Variants in R3HDM2 observed in about 807,000 individuals in gnomAD.
The protein encoded by R3HDM2 is R3H domain-containing protein 2.
R3HDM2 carries 38 observed loss-of-function variants against 124.5 expected under a neutral mutation model. The ratio of observed to expected loss-of-function variants is 0.31; its 90% confidence interval spans 0.24 to 0.40. The LOEUF is 0.40. Ranked by LOEUF, R3HDM2 falls within the 10% of genes least tolerant of loss-of-function variation. The pLI is 1.00. For missense variants in R3HDM2, 869 were observed against 1,236.9 expected, an observed-to-expected ratio of 0.70 and a Z score of 4.46; for synonymous variants, 391 against 448.0, an observed-to-expected ratio of 0.87 and a Z score of 1.61.
At chr12:57,280,254 A>G in intron 14 of R3HDM2, 104 bp downstream of exon 14, 1 of 1,252,520 alleles carries the variant, frequency 8.0e-7, no homozygotes. Flanking sequence ...CATGTCTCCA[A>G]AAACTGATCC....
intron 14 of R3HDM2, among the ~76,000 whole-genome samples, chr12:57,278,632 C>T (rs1350822678): frequency 1.3e-5 from 2 of 152,150 alleles, no homozygotes; most frequent in East Asian, 3.8e-4. Context: ...GAAAAGTACA[C>T]ATACAAGGAC....
At chr12:57,368,056 G>A (rs184617536) in intron 2 of R3HDM2, among the ~76,000 whole-genome samples, 1 of 149,994 alleles carries the variant, frequency 6.7e-6, no homozygotes, top group East Asian at 1.9e-4. Context: ...TTTTTTTTTG[G>A]TTTTTTGGTT....
intron 2 of R3HDM2, among the ~76,000 whole-genome samples, chr12:57,393,161 T>C (rs1288139141): frequency 6.6e-6 from 1 of 150,458 alleles, no homozygotes; most frequent in East Asian, 2.0e-4. Context: ...TGGAGTGCAA[T>C]GGTGCGATCT....
chr12:57,264,208 C>G (rs1209474986), intron 19 of R3HDM2, among the ~76,000 whole-genome samples: 1 of 148,480 alleles, frequency 6.7e-6, no homozygotes, highest in Non-Finnish European at 1.5e-5. Flanking sequence ...CGCCACTGCA[C>G]TCCAGCCTGG....
intron 2 of R3HDM2, among the ~76,000 whole-genome samples, chr12:57,370,153 G>A (rs1228084770): frequency 6.6e-6 from 1 of 152,210 alleles, no homozygotes; most frequent in South Asian, 2.1e-4. Context: ...ATTGGATCAC[G>A]GGGGCGGTTC....
intron 1 of R3HDM2, among the ~76,000 whole-genome samples, chr12:57,427,470 C>T (rs1212854465): frequency 6.6e-6 from 1 of 150,834 alleles, no homozygotes; most frequent in Non-Finnish European, 1.5e-5. Flanking sequence ...CTGCCTCAGC[C>T]TCCCAAGTAG....
intron 2 of R3HDM2, among the ~76,000 whole-genome samples, chr12:57,375,347 CTAAG>C (rs773370369): frequency 1.8e-4 from 28 of 152,070 alleles, no homozygotes; most frequent in Non-Finnish European, 3.5e-4. Flanking sequence ...TTACTTTATC[CTAAG>C]TAAGCAAACA....
rs534524497 is a variant in R3HDM2, at chr12:57,342,831, G to A, written c.-35-32368C>T. ...AAATGTAAAATTAAGACCAAACCTT[G>A]TTATAGAGAATTTTCTTGCCAGCGA... On this transcript the variant is annotated intron_variant, in intron 2 of 23. Transcript: ENST00000402412. 5.9e-5 allele frequency among the ~76,000 whole-genome samples: 9 copies of A among 152,254 alleles called. No homozygotes were observed. The South Asian group carries it at 1.9e-3, about 32-fold the overall frequency.
Position 57,258,771 on chromosome 12 carries a change from C to T in R3HDM2, c.2301+119G>A, listed in dbSNP as rs1439998725. Reference sequence around the variant, plus strand: ...GATGCTGTCTACTTCCTGTGTTTCTCCCCAGAAAGTACCCAGGAAAAGACA... The same window carrying T: ...GATGCTGTCTACTTCCTGTGTTTCTTCCCAGAAAGTACCCAGGAAAAGACA... On this transcript the variant is annotated intron_variant, in intron 20 of 23. Transcript: ENST00000402412. The T allele has an allele frequency of 1.2e-5, 12 of 981,760 alleles. No homozygotes were observed. In the Admixed American group the frequency reaches 2.4e-4, roughly 19 times the overall value. 60.8% of individuals were successfully genotyped at this position (981,760 alleles called of 1,614,324 possible).
chr12:57,342,326 T>C (rs2059649749), intron 2 of R3HDM2, among the ~76,000 whole-genome samples: 1 of 146,884 alleles, frequency 6.8e-6, no homozygotes, highest in Admixed American at 6.8e-5. Context: ...CCCTTCACCC[T>C]TGAATGAAAT....
At chr12:57,267,130 C>T (rs1366145347) in intron 18 of R3HDM2, among the ~76,000 whole-genome samples, 2 of 152,012 alleles carry the variant, frequency 1.3e-5, no homozygotes, top group Non-Finnish European at 2.9e-5. Flanking sequence ...CACATATGCA[C>T]ACACACAGAT....
intron 2 of R3HDM2, among the ~76,000 whole-genome samples, chr12:57,316,989 C>T (rs573229594): frequency 5.3e-5 from 8 of 151,964 alleles, no homozygotes; most frequent in African/African-American, 1.9e-4. Context: ...TCAGGTAATC[C>T]ACCCACCTTG....
chr12:57,283,878 C>G lies in R3HDM2; in HGVS notation c.1117G>C (p.Gly373Arg). The G allele has an allele frequency of 6.2e-7, 1 of 1,614,178 alleles. No homozygotes were observed. The highest frequency in any genetic ancestry group is 8.5e-7 in the Non-Finnish European group (1 of 1,180,036). The change falls in exon 13 of 24, where the codon GGT becomes CGT. Residue 373 changes from glycine (G) to arginine (R), a missense_variant. Gly to Arg is a moderately radical substitution (Grantham distance 125, BLOSUM62 -2). Transcript: ENST00000402412. ...SFSGISILTR[G>R]DSIGSSKGGS... ...CCTTTACTGCTGCCGATGCTGTCAC[C>G]TCGGGTAAGGATAGAGATTCCACTG...
chr12:57,274,467 A>T (rs544374907), intron 14 of R3HDM2, among the ~76,000 whole-genome samples: 1 of 152,290 alleles, frequency 6.6e-6, no homozygotes, highest in East Asian at 1.9e-4. Context: ...ACAGAGCAAG[A>T]CTCCGTCTCA....
At chr12:57,261,293 A>C (rs2040753863) in intron 19 of R3HDM2, among the ~76,000 whole-genome samples, 2 of 152,208 alleles carry the variant, frequency 1.3e-5, no homozygotes, top group Non-Finnish European at 2.9e-5. Context: ...AGGTATTCAA[A>C]TACCTCATTG....
intron 2 of R3HDM2, among the ~76,000 whole-genome samples, chr12:57,317,851 G>T (rs930868751): frequency 2.6e-5 from 4 of 151,426 alleles, no homozygotes; most frequent in Non-Finnish European, 5.9e-5. Context: ...GTGGTGGGGG[G>T]TGCCTGTAAT....
chr12:57,390,539 A>C (rs1271505460), intron 2 of R3HDM2, among the ~76,000 whole-genome samples: 1 of 152,078 alleles, frequency 6.6e-6, no homozygotes, highest in East Asian at 1.9e-4. Flanking sequence ...TTTACCAAAA[A>C]TAAAATAATT....
chr12:57,430,283 C>T (rs1177764082), intron 1 of R3HDM2, among the ~76,000 whole-genome samples: 1 of 152,074 alleles, frequency 6.6e-6, no homozygotes, highest in African/African-American at 2.4e-5. Flanking sequence ...CTGTATGTGC[C>T]AACTCAAATC....
chr12:57,270,621 C>A (rs563455891), intron 14 of R3HDM2, among the ~76,000 whole-genome samples: 1 of 151,880 alleles, frequency 6.6e-6, no homozygotes, highest in Non-Finnish European at 1.5e-5. Context: ...TTAGTAGAGT[C>A]GGGGTTTCAC....
Sources: gnomAD v4.1 joint callset for allele counts (sites outside exome capture counted in the v4.1 genomes callset) on GRCh38, gnomAD v4.1.1 for gene constraint, MANE v1.5 for transcripts, NCBI Gene and HGNC (gene_info 2026-07-23, HGNC 2026-07-21) for gene names.